The following SMOC2 variants were observed in gnomAD, a reference collection of about 807,000 sequenced individuals.
The protein encoded by SMOC2 is SPARC-related modular calcium-binding protein 2.
In SMOC2, 39 loss-of-function variants were observed where a neutral mutation model predicts 61.4. The observed-to-expected ratio is 0.64, with a 90% confidence interval of 0.49 to 0.83. The LOEUF (loss-of-function observed/expected upper bound fraction) is 0.83, where lower values mean the gene tolerates loss of function less well. Among genes scored for constraint, SMOC2 ranks in the 40% least tolerant of loss-of-function variants. The pLI, the probability that SMOC2 is intolerant of heterozygous loss-of-function variation, is 0.00. For synonymous variants in SMOC2, 247 were observed against 239.9 expected (o/e 1.03, Z -0.27); for missense variants, 556 against 592.9 (o/e 0.94, Z 0.65).
intron 7 of SMOC2, among the ~76,000 whole-genome samples, chr6:168,583,554 A>T (rs1398050543): frequency 9.2e-5 from 14 of 151,476 alleles, no homozygotes; most frequent in Admixed American, 7.9e-4. Context: ...TGTGGGTCTG[A>T]CCCCCTGTCT....
chr6:168,508,639 G>T (rs17626915), intron 1 of SMOC2, among the ~76,000 whole-genome samples: 5,965 of 152,258 alleles, frequency 0.039, 147 homozygotes, highest in South Asian at 0.055. Context: ...TCTCTTACTG[G>T]TAAAGGAGCA....
intron 9 of SMOC2, among the ~76,000 whole-genome samples, chr6:168,622,414 TAA>T (rs962054254): frequency 6.9e-6 from 1 of 145,600 alleles, no homozygotes; most frequent in African/African-American, 2.5e-5. Flanking sequence ...TCCTTTACAT[TAA>T]AAAAAAAAAG....
At chr6:168,616,567 G>A (rs969765726) in intron 9 of SMOC2, among the ~76,000 whole-genome samples, 1 of 152,222 alleles carries the variant, frequency 6.6e-6, no homozygotes, top group Non-Finnish European at 1.5e-5. Context: ...TTGGAAGAGA[G>A]AGCTGAATCT....
At chr6:168,518,505 ATG>A (rs1480167623) in intron 2 of SMOC2, among the ~76,000 whole-genome samples, 10 of 122,948 alleles carry the variant, frequency 8.1e-5, no homozygotes, top group African/African-American at 1.5e-4. Flanking sequence ...GCATGTGTGA[ATG>A]TGTGTAAATG....
chr6:168,583,775 G>T (rs1477447701), intron 7 of SMOC2, among the ~76,000 whole-genome samples: 4 of 152,226 alleles, frequency 2.6e-5, no homozygotes, highest in Admixed American at 6.5e-5. Flanking sequence ...GCACTGCAGA[G>T]ACCTTGGCAA....
At chr6:168,525,304 G>GA (rs752020060) in intron 2 of SMOC2, among the ~76,000 whole-genome samples, 8 of 152,172 alleles carry the variant, frequency 5.3e-5, no homozygotes, top group Non-Finnish European at 1.2e-4. Context: ...TGGGGGCACT[G>GA]AAAGATGGGC....
chr6:168,537,216 C>T (rs746971079), intron 4 of SMOC2, among the ~76,000 whole-genome samples: 12 of 150,622 alleles, frequency 8.0e-5, no homozygotes, highest in South Asian at 2.2e-4. Flanking sequence ...AGCTGAAAGC[C>T]GGTCCTATTT....
intron 1 of SMOC2, among the ~76,000 whole-genome samples, chr6:168,462,577 T>G (rs982396080): frequency 6.6e-6 from 1 of 152,148 alleles, no homozygotes; most frequent in South Asian, 2.1e-4. Flanking sequence ...TTCCCAGATG[T>G]CTCATGGGCT....
chr6:168,518,980 CA>C (rs1172906653), intron 2 of SMOC2, among the ~76,000 whole-genome samples: 3 of 143,874 alleles, frequency 2.1e-5, no homozygotes, highest in Non-Finnish European at 4.6e-5. Context: ...CGTGTGTATG[CA>C]TGCGTGTGTA....
chr6:168,606,751 C>T (rs1332890693), intron 8 of SMOC2, among the ~76,000 whole-genome samples: 3 of 151,942 alleles, frequency 2.0e-5, no homozygotes, highest in Admixed American at 2.0e-4. Flanking sequence ...GGGCTCCGGG[C>T]CGGACCCCCT....
intron 9 of SMOC2, among the ~76,000 whole-genome samples, chr6:168,613,562 A>T (rs1301813782): frequency 6.6e-6 from 1 of 152,146 alleles, no homozygotes. Context: ...AGACTTCATG[A>T]ATGGTCAAGG....
intron 9 of SMOC2, among the ~76,000 whole-genome samples, chr6:168,626,835 G>A (rs1044300790): frequency 6.6e-6 from 1 of 152,192 alleles, no homozygotes; most frequent in African/African-American, 2.4e-5. Flanking sequence ...ACACCTGCTT[G>A]AATTGTTTGT....
intron 7 of SMOC2, among the ~76,000 whole-genome samples, chr6:168,569,290 A>C (rs1253846986): frequency 6.6e-6 from 1 of 152,214 alleles, no homozygotes; most frequent in African/African-American, 2.4e-5. Flanking sequence ...AGGGTATTGA[A>C]TGACTTTCAT....
At chr6:168,501,953 G>T (rs150822298) in intron 1 of SMOC2, among the ~76,000 whole-genome samples, 1 of 152,352 alleles carries the variant, frequency 6.6e-6, no homozygotes, top group East Asian at 1.9e-4. Context: ...TCTGTGCAGG[G>T]CTGAGCCCCT....
intron 9 of SMOC2, among the ~76,000 whole-genome samples, chr6:168,625,681 A>C (rs1371574020): frequency 6.6e-6 from 1 of 152,216 alleles, no homozygotes; most frequent in Non-Finnish European, 1.5e-5. Flanking sequence ...GCGTATACAC[A>C]GCCAAGCCGA....
At chr6:168,585,877 G>A (rs141758349) in intron 7 of SMOC2, among the ~76,000 whole-genome samples, 91 of 152,314 alleles carry the variant, frequency 6.0e-4, no homozygotes, top group Non-Finnish European at 2.5e-4. Flanking sequence ...ATTTGCAGAC[G>A]TTGTTTATAG....
chr6:168,499,636 G>A (rs139942295), intron 1 of SMOC2, among the ~76,000 whole-genome samples: 4 of 152,214 alleles, frequency 2.6e-5, no homozygotes, highest in Non-Finnish European at 5.9e-5. Context: ...TCTTCTACGT[G>A]TGAAGGAAAT....
At chr6:168,515,396 C>T (rs989588210) in intron 2 of SMOC2, among the ~76,000 whole-genome samples, 3 of 152,208 alleles carry the variant, frequency 2.0e-5, no homozygotes, top group African/African-American at 4.8e-5. Context: ...CTGGGTGTCA[C>T]GCCCTTCTGA....
chr6:168,484,047 T>C (rs1782273085), intron 1 of SMOC2, among the ~76,000 whole-genome samples: 3 of 152,294 alleles, frequency 2.0e-5, no homozygotes, highest in Admixed American at 2.0e-4. Flanking sequence ...ACTTCTTGGA[T>C]ATGATGTCAA....
Sources: allele counts gnomAD v4.1 joint callset (sites outside exome capture counted in the v4.1 genomes callset), GRCh38; gene constraint gnomAD v4.1.1; transcripts MANE v1.5; gene names NCBI Gene and HGNC (gene_info 2026-07-23, HGNC 2026-07-21).